PCMT1: variants seen among roughly 807,000 people sequenced by gnomAD.
PCMT1 encodes the protein protein-L-isoaspartate(D-aspartate) O-methyltransferase.
Under a neutral mutation model 29.2 loss-of-function variants are expected in PCMT1, and 9 were observed. The observed-to-expected ratio is 0.31, with a 90% CI of 0.19 to 0.54. PCMT1 has a LOEUF of 0.54. Among genes scored for constraint, PCMT1 ranks in the 20% least tolerant of loss-of-function variants. The pLI, the probability that PCMT1 is intolerant of heterozygous loss-of-function variation, is 0.95. For synonymous variants in PCMT1, 98 were observed against 97.5 expected (o/e 1.00, Z -0.03); for missense variants, 184 against 282.2 (o/e 0.65, Z 2.49).
At chr6:149,808,576 G>T (rs994799696) in intron 7 of PCMT1, among the ~76,000 whole-genome samples, 2 of 151,960 alleles carry the variant, frequency 1.3e-5, no homozygotes, top group Non-Finnish European at 2.9e-5. Flanking sequence ...TGTTGAGGGG[G>T]CATTAATTTA....
chr6:149,749,722 C>CG (rs1016275692), upstream of PCMT1: 18 of 1,539,424 alleles, frequency 1.2e-5, no homozygotes, highest in African/African-American at 2.3e-4. Context: ...ATGCGTGCCG[C>CG]GGGGGATGCC....
At chr6:149,766,112 T>G (rs1787073548) in intron 1 of PCMT1, among the ~76,000 whole-genome samples, 1 of 152,184 alleles carries the variant, frequency 6.6e-6, no homozygotes, top group Admixed American at 6.5e-5. Flanking sequence ...TTTAGTTGTA[T>G]TCTTTCTACT....
chr6:149,789,939 GT>G lies in PCMT1; in HGVS notation c.193-11del, dbSNP rs375662562. 3.5e-4 allele frequency: 539 copies of G among 1,553,358 alleles called. 5 individuals carry two copies. The African/African-American group carries it at 6.9e-3, about 20-fold the overall frequency. On this transcript the variant is annotated splice_polypyrimidine_tract_variant and intron_variant, in intron 3 of 7. Coordinates refer to ENST00000464889, the MANE Select transcript of PCMT1 (RefSeq NM_001360452.2). ...GTACTTTAGTCTTAATGAATATTTT[GT>G]TTTCTTTTGGCAGCATGCATATGCG...
At chr6:149,792,148 C>T (rs1193976925) in intron 4 of PCMT1, among the ~76,000 whole-genome samples, 3 of 151,924 alleles carry the variant, frequency 2.0e-5, no homozygotes, top group African/African-American at 7.3e-5. Flanking sequence ...AACCCCGTCT[C>T]CACTAAAAAT....
chr6:149,793,634 C>T lies in PCMT1; in HGVS notation c.383C>T (p.Pro128Leu). 6.4e-7 allele frequency: 1 copy of T among 1,564,220 alleles called. No homozygotes were observed. The highest frequency in any genetic ancestry group is 8.6e-7 in the Non-Finnish European group (1 of 1,164,592). ...DSVNNVRKDD[P>L]TLLSSGRVQL... ...GTAAATAATGTCAGGAAGGACGATC[C>T]AACACTTCTGTCTTCAGGGAGAGTA... Residue 128 changes from proline (P) to leucine (L), a missense_variant, in exon 5 of 8, where the codon CCA (proline) becomes CTA (leucine). Pro to Leu is a moderately conservative substitution (Grantham distance 98). Transcript: ENST00000464889.
chr6:149,775,025 A>G (rs1480759195), intron 3 of PCMT1, among the ~76,000 whole-genome samples: 4 of 151,846 alleles, frequency 2.6e-5, no homozygotes, highest in Non-Finnish European at 4.4e-5. Flanking sequence ...TTGTATTTTT[A>G]ATAGAGACAG....
At chr6:149,804,513 A>T (rs1048348941) in intron 7 of PCMT1, among the ~76,000 whole-genome samples, 9 of 152,162 alleles carry the variant, frequency 5.9e-5, no homozygotes, top group Admixed American at 3.3e-4. Context: ...AATTTAATTT[A>T]AAAAAGTGTT....
chr6:149,802,472 C>T, intron 7 of PCMT1, 56 bp downstream of exon 7: 1 of 1,382,236 alleles, frequency 7.2e-7, no homozygotes, highest in Non-Finnish European at 9.4e-7. Flanking sequence ...TTGGTTGTCA[C>T]CTTTATGCTC....
chr6:149,776,488 A>G (rs1787573415), intron 3 of PCMT1, among the ~76,000 whole-genome samples: 1 of 151,704 alleles, frequency 6.6e-6, no homozygotes, highest in East Asian at 1.9e-4. Flanking sequence ...TGACCTCCTG[A>G]CCTCAAGTGA....
chr6:149,770,075 T>C (rs1006786096), intron 1 of PCMT1, among the ~76,000 whole-genome samples: 2 of 152,230 alleles, frequency 1.3e-5, no homozygotes, highest in Non-Finnish European at 2.9e-5. Context: ...TTTTAGATGT[T>C]GGCTTTGTCT....
At chr6:149,766,419 G>A (rs9689226) in intron 1 of PCMT1, among the ~76,000 whole-genome samples, 1 of 152,168 alleles carries the variant, frequency 6.6e-6, no homozygotes, top group Admixed American at 6.5e-5. Flanking sequence ...CTTTATTGAG[G>A]TATAAGTTAT....
At chr6:149,788,479 T>A (rs9767077) in intron 3 of PCMT1, among the ~76,000 whole-genome samples, 80,762 of 152,064 alleles carry the variant, frequency 0.53, 24,678 homozygotes, top group East Asian at 0.83. Context: ...CCTTGAAAAT[T>A]TTTACGAATA....
At chr6:149,776,666 G>A (rs1562407885) in intron 3 of PCMT1, among the ~76,000 whole-genome samples, 1 of 151,982 alleles carries the variant, frequency 6.6e-6, no homozygotes, top group South Asian at 2.1e-4. Context: ...TCTTGCTTTG[G>A]CCTTCTAAAA....
At chr6:149,781,270 G>A (rs1338372799) in intron 3 of PCMT1, among the ~76,000 whole-genome samples, 10 of 144,710 alleles carry the variant, frequency 6.9e-5, no homozygotes, top group Non-Finnish European at 1.5e-4. Context: ...TCTGTCACCC[G>A]GGCTGGAGTG....
At chr6:149,802,548 T>C (rs1422605936) in intron 7 of PCMT1, 132 bp downstream of exon 7, 1 of 1,256,510 alleles carries the variant, frequency 8.0e-7, no homozygotes, top group African/African-American at 1.5e-5. Context: ...TCTGCCCTTA[T>C]TTTGGTTTAA....
chr6:149,798,671 G>A (rs937247116), intron 6 of PCMT1, among the ~76,000 whole-genome samples: 1 of 152,218 alleles, frequency 6.6e-6, no homozygotes, highest in Non-Finnish European at 1.5e-5. Context: ...ACTCCACAGT[G>A]TGTGAAGATA....
At chr6:149,798,145 G>C (rs1788688021) in intron 6 of PCMT1, 1 of 143,100 alleles carries the variant, frequency 7.0e-6, no homozygotes, top group Non-Finnish European at 1.5e-5. Context: ...TTCCAGCCTG[G>C]GTGACAAAGT....
chr6:149,793,530 A>G lies in PCMT1; in HGVS notation c.298-19A>G, dbSNP rs760367468. 11 of 1,443,818 alleles carry G rather than the reference A, an allele frequency of 7.6e-6. No homozygotes were observed. In the East Asian group the frequency reaches 2.7e-4, roughly 35 times the overall value. The allele number at this position is 1,443,818 out of a possible 1,614,324, so 89.4% of individuals were successfully genotyped here. A position where few individuals can be genotyped will look rare whatever the true frequency, so the allele number is the denominator to read the frequency against. On this transcript the variant is annotated intron_variant, in intron 4 of 7. Transcript: ENST00000464889. ...CAAATTTAGCCCAATGAGCTACTGA[A>G]TTGTTTTCTCTTTTCCAGGTTGGAT... is the stretch of plus-strand genomic sequence containing the variant.
intron 7 of PCMT1, among the ~76,000 whole-genome samples, chr6:149,804,031 A>C (rs1415556172): frequency 6.9e-6 from 1 of 145,786 alleles, no homozygotes; most frequent in Non-Finnish European, 1.5e-5. Flanking sequence ...CAGTGAGTCG[A>C]GATCACACTA....
Sources: allele counts gnomAD v4.1 joint callset (sites outside exome capture counted in the v4.1 genomes callset), GRCh38; gene constraint gnomAD v4.1.1; transcripts MANE v1.5; gene names NCBI Gene and HGNC (gene_info 2026-07-23, HGNC 2026-07-21).